RPS6KC1: variants seen among roughly 807,000 people sequenced by gnomAD.
The protein encoded by RPS6KC1 is ribosomal protein S6 kinase C1.
Under a neutral mutation model 103.8 loss-of-function variants are expected in RPS6KC1, and 54 were observed. That is an observed-to-expected ratio of 0.52 (90% confidence interval 0.42 to 0.65). RPS6KC1 has a LOEUF of 0.65. Among genes scored for constraint, RPS6KC1 ranks in the 30% least tolerant of loss-of-function variants. RPS6KC1 has a pLI of 0.00. For missense variants in RPS6KC1, 1,151 were observed against 1,253.8 expected (o/e 0.92, Z 1.24); for synonymous variants, 439 against 438.7 (o/e 1.00, Z -0.01).
the RPS6KC1 span, among the ~76,000 whole-genome samples, chr1:213,511,858 TTC>T: frequency 6.6e-6 from 1 of 152,342 alleles, no homozygotes; most frequent in African/African-American, 2.4e-5. Context: ...ACTTGTCACC[TTC>T]TAATATATTA....
chr1:213,499,575 G>C, the RPS6KC1 span, among the ~76,000 whole-genome samples: 1 of 152,288 alleles, frequency 6.6e-6, no homozygotes. Flanking sequence ...TGCCTCTGCT[G>C]ATCTCACAGG....
intron 3 of RPS6KC1, among the ~76,000 whole-genome samples, chr1:213,092,074 A>G (rs1302600309): frequency 6.6e-6 from 1 of 151,726 alleles, no homozygotes; most frequent in African/African-American, 2.4e-5. Flanking sequence ...CAGCAGTTTT[A>G]TTACCATTGC....
the RPS6KC1 span, among the ~76,000 whole-genome samples, chr1:213,675,809 G>A: frequency 2.0e-5 from 3 of 152,162 alleles, no homozygotes; most frequent in South Asian, 4.1e-4. Context: ...CCCAGGAGGC[G>A]GAGGTGGTAG....
the RPS6KC1 span, among the ~76,000 whole-genome samples, chr1:213,358,062 C>T: frequency 0.014 from 2,176 of 152,264 alleles, 21 homozygotes; most frequent in Non-Finnish European, 0.024. Context: ...ATTTTTGCAT[C>T]GATGTTCATC....
At chr1:213,317,477 C>G in the RPS6KC1 span, among the ~76,000 whole-genome samples, 1 of 152,212 alleles carries the variant, frequency 6.6e-6, no homozygotes, top group Non-Finnish European at 1.5e-5. Context: ...CTCAAGGACA[C>G]AAATCCTATC....
intron 3 of RPS6KC1, among the ~76,000 whole-genome samples, chr1:213,096,882 T>C (rs571278270): frequency 6.6e-5 from 10 of 152,302 alleles, no homozygotes; most frequent in African/African-American, 2.2e-4. Flanking sequence ...GTGGCTTATA[T>C]ATATTATATA....
the RPS6KC1 span, among the ~76,000 whole-genome samples, chr1:213,789,715 G>A: frequency 6.6e-6 from 1 of 152,156 alleles, no homozygotes; most frequent in Non-Finnish European, 1.5e-5. Flanking sequence ...TGCTTGTTAA[G>A]TCACACATCT....
the RPS6KC1 span, among the ~76,000 whole-genome samples, chr1:213,697,937 A>G: frequency 6.6e-6 from 1 of 152,192 alleles, no homozygotes; most frequent in Non-Finnish European, 1.5e-5. Flanking sequence ...TTTTAAATCA[A>G]TAAAATTAGT....
At chr1:213,572,121 G>C in the RPS6KC1 span, among the ~76,000 whole-genome samples, 4 of 152,206 alleles carry the variant, frequency 2.6e-5, no homozygotes, top group African/African-American at 9.7e-5. Flanking sequence ...CTAGGCTGTG[G>C]AGTCCAAGCC....
At chr1:213,632,104 G>A in the RPS6KC1 span, among the ~76,000 whole-genome samples, 2 of 152,120 alleles carry the variant, frequency 1.3e-5, no homozygotes, top group Non-Finnish European at 2.9e-5. Flanking sequence ...CCTTTTAATT[G>A]CCTAGTAATA....
chr1:213,553,654 T>C, the RPS6KC1 span, among the ~76,000 whole-genome samples: 1 of 152,176 alleles, frequency 6.6e-6, no homozygotes, highest in African/African-American at 2.4e-5. Flanking sequence ...CTGCAGTGTA[T>C]CAGCGTTTCC....
At chr1:213,584,262 C>T in the RPS6KC1 span, among the ~76,000 whole-genome samples, 3 of 152,252 alleles carry the variant, frequency 2.0e-5, no homozygotes, top group African/African-American at 7.2e-5. Flanking sequence ...TTGTAAATTA[C>T]CCAGTCTCAG....
the RPS6KC1 span, among the ~76,000 whole-genome samples, chr1:213,604,199 C>G: frequency 6.6e-6 from 1 of 151,934 alleles, no homozygotes; most frequent in Non-Finnish European, 1.5e-5. Context: ...TTTTTTCTTC[C>G]TTGTCTGCCA....
chr1:213,311,427 C>T, the RPS6KC1 span, among the ~76,000 whole-genome samples: 2 of 152,146 alleles, frequency 1.3e-5, no homozygotes, highest in African/African-American at 4.8e-5. Flanking sequence ...CGTGAGCCAC[C>T]GTGCCTGGCC....
chr1:213,198,607 G>A (rs1221326854), intron 8 of RPS6KC1, among the ~76,000 whole-genome samples: 1 of 152,086 alleles, frequency 6.6e-6, no homozygotes, highest in Non-Finnish European at 1.5e-5. Context: ...GAGGGAGGAA[G>A]GAAGAAAAGA....
At chr1:213,487,898 G>T in the RPS6KC1 span, among the ~76,000 whole-genome samples, 1 of 152,118 alleles carries the variant, frequency 6.6e-6, no homozygotes, top group African/African-American at 2.4e-5. Flanking sequence ...CATTCATTCT[G>T]CTGCCCTTCT....
At chr1:213,119,461 T>TG (rs1186081927) in intron 5 of RPS6KC1, among the ~76,000 whole-genome samples, 201 of 8,276 alleles carry the variant, frequency 0.024, 31 homozygotes, top group East Asian at 0.18. Flanking sequence ...TATATATATA[T>TG]ATATATATAT....
chr1:213,532,849 G>A, the RPS6KC1 span, among the ~76,000 whole-genome samples: 2 of 152,202 alleles, frequency 1.3e-5, no homozygotes, highest in Admixed American at 6.5e-5. Flanking sequence ...CCTAGGCCTG[G>A]CCTACAGGTA....
chr1:213,355,232 AAGAG>A, the RPS6KC1 span, among the ~76,000 whole-genome samples: 1 of 151,782 alleles, frequency 6.6e-6, no homozygotes, highest in Non-Finnish European at 1.5e-5. Context: ...GGAAAAAAAA[AAGAG>A]AGAGAGAGAA....
Sources: allele counts gnomAD v4.1 joint callset (sites outside exome capture counted in the v4.1 genomes callset), GRCh38; gene constraint gnomAD v4.1.1; transcripts MANE v1.5; gene names NCBI Gene and HGNC (gene_info 2026-07-23, HGNC 2026-07-21).